The following OXNAD1 variants were observed in gnomAD, a reference collection of about 807,000 sequenced individuals.
OXNAD1 encodes the protein oxidoreductase NAD binding domain containing 1.
A neutral mutation model predicts 32.9 loss-of-function variants in OXNAD1; 34 were observed. That is an observed-to-expected ratio of 1.03 (90% CI 0.79 to 1.38). The LOEUF is 1.38. Ranked by LOEUF, OXNAD1 falls within the 40% of genes most tolerant of loss-of-function variation. OXNAD1 has a pLI of 0.00. For missense variants in OXNAD1, 407 were observed against 379.4 expected, an observed-to-expected ratio of 1.07 and a Z score of -0.60; for synonymous variants, 134 against 135.2, an observed-to-expected ratio of 0.99 and a Z score of 0.06.
chr3:16,324,615 C>CA (rs1367105308), intron 9 of OXNAD1, among the ~76,000 whole-genome samples: 7 of 141,286 alleles, frequency 5.0e-5, no homozygotes, highest in African/African-American at 1.1e-4. Context: ...TGTCCCTGAC[C>CA]CCCCCCCTTT....
At chr3:16,349,588 A>G (rs2071958220) in exon 10 of OXNAD1, 1 of 152,274 alleles carries the variant, frequency 6.6e-6, no homozygotes, top group Non-Finnish European at 1.5e-5. Context: ...GCTCAAAGCA[A>G]GAAGTTGCAC....
intron 9 of OXNAD1, among the ~76,000 whole-genome samples, chr3:16,318,814 C>T (rs1430310690): frequency 6.6e-6 from 1 of 152,188 alleles, no homozygotes; most frequent in Non-Finnish European, 1.5e-5. Context: ...TGAAATGTCT[C>T]GTACTGTAGC....
At chr3:16,351,123 A>G (rs1356720804), downstream of OXNAD1, among the ~76,000 whole-genome samples, 2 of 152,238 alleles carry the variant, frequency 1.3e-5, no homozygotes, top group African/African-American at 2.4e-5. This position sits in a 1 kb window ranked among gnomAD's most constrained non-coding sequence, Gnocchi z 5.4. Context: ...CAGTTACAGA[A>G]AAGTGTGTCA....
At chr3:16,319,194 G>A (rs1357504639) in intron 9 of OXNAD1, among the ~76,000 whole-genome samples, 1 of 151,970 alleles carries the variant, frequency 6.6e-6, no homozygotes, top group Admixed American at 6.6e-5. Flanking sequence ...ATCATTTTAC[G>A]TGTTTTTAGA....
At position 16,326,618 on chromosome 3, in the gene OXNAD1, A is replaced by G. The variant is rs542205436; in HGVS notation, c.*31-10494A>G. Among the ~76,000 whole-genome samples, 9 of 152,292 alleles carry G rather than the reference A, an allele frequency of 5.9e-5. No individual in the cohort carries two copies. In the South Asian group the frequency reaches 1.9e-3, roughly 32 times the overall value. On this transcript the variant is annotated intron_variant, in intron 9 of 9. Transcript: ENST00000435829. ...GGGTGACGGTGGTTAAGAATGTGAA[A>G]TTCTGGCTCTGCTGCTTCCCAGTGG...
chr3:16,282,355 A>G (rs2065803561), intron 4 of OXNAD1, among the ~76,000 whole-genome samples: 2 of 129,330 alleles, frequency 1.5e-5, no homozygotes, highest in African/African-American at 2.9e-5. Flanking sequence ...CTCTTCCCCT[A>G]TCCACCCAGC....
Position 16,321,575 on chromosome 3 carries a change from T to A in OXNAD1, c.*31-15537T>A, listed in dbSNP as rs186230337. On this transcript the variant is annotated intron_variant, in intron 9 of 9. Transcript: ENST00000435829. The surrounding 1 kb of genome is among the most constrained non-coding windows in gnomAD (Gnocchi z 4.8). ...CAGTGCAGAAGATTCTTCCAAGGAG[T>A]CTGGCTGTGAAGCCCCCCTCTCTGG... Among the ~76,000 whole-genome samples, 2 of 151,870 alleles carry A rather than the reference T, an allele frequency of 1.3e-5. No homozygotes were observed. The highest frequency in any genetic ancestry group is 3.9e-4 in the East Asian group (2 of 5,160).
In OXNAD1 at chr3:16,280,402, G is replaced by T. The variant is rs2065657346; in HGVS notation, c.184-5940G>T. 6.6e-6 allele frequency among the ~76,000 whole-genome samples: 1 copy of T among 152,156 alleles called. No homozygotes were observed. Among genetic ancestry groups the T allele is most frequent in the African/African-American group, 2.4e-5 (1 of 41,452 alleles). On this transcript the variant is annotated intron_variant, in intron 4 of 8. Coordinates refer to ENST00000285083, the MANE Select transcript of OXNAD1 (RefSeq NM_138381.5). The surrounding 1 kb of genome is among the most constrained non-coding windows in gnomAD (Gnocchi z 4.5). ...ATTTAAGAAGTTAAATTGTGTGGTT[G>T]ACGGAGAATTTTGTGTCTACCTTTG... is the stretch of plus-strand genomic sequence containing the variant.
Position 16,286,322 on chromosome 3 carries a change from A to G in OXNAD1, c.184-20A>G, listed in dbSNP as rs1268968693. ...CTGTGTACGCACTAACCTCAGCCAC[A>G]GTTCATCTTTTGGTTTTAGATTGTG... On this transcript the variant is annotated intron_variant, in intron 4 of 8. Coordinates refer to ENST00000285083, the MANE Select transcript of OXNAD1 (RefSeq NM_138381.5). 3.1e-6 allele frequency: 5 copies of G among 1,591,410 alleles called. No homozygotes were observed. Among genetic ancestry groups the G allele is most frequent in the Middle Eastern group, 1.7e-4 (1 of 6,016 alleles).
chr3:16,300,070 T>C (rs2067070603), intron 6 of OXNAD1, among the ~76,000 whole-genome samples: 1 of 152,184 alleles, frequency 6.6e-6, no homozygotes, highest in Non-Finnish European at 1.5e-5. Flanking sequence ...GGGGCTATGA[T>C]TAAAATTCAG....
chr3:16,269,153 A>G lies in OXNAD1; in HGVS notation c.-131A>G. ...ACTTTGTGAGAATTTTAATGCATGG[A>G]AAAGCTGTCCATGTTCCAACTGCTG... On this transcript the variant is annotated 5_prime_UTR_variant, in exon 2 of 9. Coordinates refer to ENST00000285083, the MANE Select transcript of OXNAD1 (RefSeq NM_138381.5). 6.7e-7 allele frequency: 1 copy of G among 1,498,778 alleles called. No homozygotes were observed. Among genetic ancestry groups the G allele is most frequent in the Non-Finnish European group, 8.8e-7 (1 of 1,131,826 alleles). The allele number at this position is 1,498,778 out of a possible 1,614,324, so 92.8% of individuals were successfully genotyped here.
Position 16,303,270 on chromosome 3 carries a change from C to A in OXNAD1, c.785-138C>A. 1.0e-6 allele frequency: 1 copy of A among 972,922 alleles called. No individual in the cohort carries two copies. Among genetic ancestry groups the A allele is most frequent in the Non-Finnish European group, 1.5e-6 (1 of 647,714 alleles). 60.3% of individuals were successfully genotyped at this position (972,922 alleles called of 1,614,324 possible). The stretch of plus-strand genomic sequence containing the variant: ...TCTGGGCCCAGATGCCAATAGGAGC[C>A]ATACTGTGAATGGCTTAAGAAGACT... On this transcript the variant is annotated intron_variant, in intron 8 of 8. Coordinates refer to ENST00000285083, the MANE Select transcript of OXNAD1 (RefSeq NM_138381.5). This position sits in a 1 kb window ranked among gnomAD's most constrained non-coding sequence, Gnocchi z 4.8.
intron 9 of OXNAD1, chr3:16,323,480 T>G (rs1418054858): frequency 6.3e-7 from 1 of 1,590,864 alleles, no homozygotes; most frequent in Non-Finnish European, 8.6e-7. Flanking sequence ...GAGCTGAGAA[T>G]GAGCCACTTT....
At chr3:16,343,992 CAG>C (rs1480173070) in intron 9 of OXNAD1, among the ~76,000 whole-genome samples, 2 of 150,564 alleles carry the variant, frequency 1.3e-5, no homozygotes, top group Non-Finnish European at 3.0e-5. Context: ...AGGGTCTCAG[CAG>C]AGAGTGAGCA....
chr3:16,318,035 C>T (rs1015129091), intron 9 of OXNAD1, among the ~76,000 whole-genome samples: 57 of 152,170 alleles, frequency 3.7e-4, no homozygotes, highest in African/African-American at 1.4e-3. Flanking sequence ...TCCCGGGGGC[C>T]CAACCTGCAA....
rs1313809249 is a variant in OXNAD1 at position 16,305,481 on chromosome 3, C to T, written c.*1919C>T. 1 of 152,238 alleles carries T rather than the reference C, an allele frequency of 6.6e-6. No individual in the cohort carries two copies. Among genetic ancestry groups the T allele is most frequent in the Non-Finnish European group, 1.5e-5 (1 of 68,080 alleles). The allele number at this position is 152,238 out of a possible 1,614,324, so 9.4% of individuals were successfully genotyped here. ...CATCACCTTTGCCTGGAGTGTTCATCCTTTCAGTGCCATTATTCTGGTGCT... is the reference window on the plus strand; with the variant it reads ...CATCACCTTTGCCTGGAGTGTTCATTCTTTCAGTGCCATTATTCTGGTGCT... On this transcript the variant is annotated 3_prime_UTR_variant, in exon 9 of 9. Coordinates refer to ENST00000285083, the MANE Select transcript of OXNAD1 (RefSeq NM_138381.5). The surrounding 1 kb of genome is among the most constrained non-coding windows in gnomAD (Gnocchi z 4.5).
intron 5 of OXNAD1, among the ~76,000 whole-genome samples, chr3:16,291,848 C>T (rs2066451171): frequency 6.6e-6 from 1 of 152,148 alleles, no homozygotes; most frequent in South Asian, 2.1e-4. Flanking sequence ...TTTTACATTC[C>T]CACCAGCAAT....
At chr3:16,308,723 C>T (rs2067746429), downstream of OXNAD1, among the ~76,000 whole-genome samples, 1 of 152,038 alleles carries the variant, frequency 6.6e-6, no homozygotes, top group Admixed American at 6.5e-5. This position sits in a 1 kb window ranked among gnomAD's most constrained non-coding sequence, Gnocchi z 4.4. Flanking sequence ...TGTTTCGTGC[C>T]CAGAAATCCA....
Position 16,286,322 on chromosome 3 carries a change from A to C in OXNAD1, c.184-20A>C. The C allele has an allele frequency of 6.3e-7, 1 of 1,591,410 alleles. No individual in the cohort carries two copies. The highest frequency in any genetic ancestry group is 8.6e-7 in the Non-Finnish European group (1 of 1,159,382). The stretch of plus-strand genomic sequence containing the variant: ...CTGTGTACGCACTAACCTCAGCCAC[A>C]GTTCATCTTTTGGTTTTAGATTGTG... On this transcript the variant is annotated intron_variant, in intron 4 of 8. Transcript: ENST00000285083.
Sources: allele counts gnomAD v4.1 joint callset (sites outside exome capture counted in the v4.1 genomes callset), GRCh38; gene constraint gnomAD v4.1.1; non-coding constraint Gnocchi (gnomAD v3.1); transcripts MANE v1.5; gene names NCBI Gene and HGNC (gene_info 2026-07-23, HGNC 2026-07-21).